Variants in ANXA8 observed in about 807,000 individuals in gnomAD.
ANXA8 encodes VAC-beta.
A neutral mutation model predicts 26.8 loss-of-function variants in ANXA8; 9 were observed. That is an observed-to-expected ratio of 0.34 (90% CI 0.20 to 0.59). The LOEUF (loss-of-function observed/expected upper bound fraction) is 0.59, where lower values mean the gene tolerates loss of function less well. ANXA8 is among the 20% of genes least tolerant of loss of function. The probability of loss-of-function intolerance (pLI) is 0.84; values close to 1 mark genes in which losing one functional copy is unlikely to be tolerated. For synonymous variants in ANXA8, 39 were observed against 94.8 expected (o/e 0.41, Z 3.42); for missense variants, 83 against 238.5 (o/e 0.35, Z 4.29).
At chr10:47,610,438 T>A in the ANXA8 span, among the ~76,000 whole-genome samples, 1 of 137,064 alleles carries the variant, frequency 7.3e-6, no homozygotes, top group East Asian at 2.0e-4. Flanking sequence ...TTTTTATTTA[T>A]GTATATTATA....
the ANXA8 span, among the ~76,000 whole-genome samples, chr10:47,656,501 G>A: frequency 6.9e-6 from 1 of 144,062 alleles, no homozygotes; most frequent in Non-Finnish European, 1.5e-5. Context: ...CAGTTTTCTC[G>A]AGGGATATTC....
At chr10:47,488,767 G>A (rs1435982030), upstream of ANXA8, among the ~76,000 whole-genome samples, 13 of 108,004 alleles carry the variant, frequency 1.2e-4, 1 homozygote, top group East Asian at 6.4e-4. Flanking sequence ...TCACACTGTC[G>A]CCCAGGCTGG....
At chr10:47,476,621 G>A (rs1157454752) in intron 4 of ANXA8, among the ~76,000 whole-genome samples, 4 of 59,114 alleles carry the variant, frequency 6.8e-5, no homozygotes, top group Non-Finnish European at 1.2e-4. Context: ...CCTCCCCTGC[G>A]CCAAAGATAG....
chr10:47,959,764 T>C, the ANXA8 span, among the ~76,000 whole-genome samples: 1 of 150,048 alleles, frequency 6.7e-6, no homozygotes, highest in Non-Finnish European at 1.5e-5. Context: ...AGGTGGGGTC[T>C]CTGTCCCATC....
At chr10:47,946,570 CG>C in the ANXA8 span, among the ~76,000 whole-genome samples, 1 of 150,366 alleles carries the variant, frequency 6.7e-6, no homozygotes, top group African/African-American at 2.4e-5. Flanking sequence ...GGAGAAGCCA[CG>C]TTTTGTTAGG....
At chr10:47,571,184 G>A in the ANXA8 span, among the ~76,000 whole-genome samples, 33 of 135,256 alleles carry the variant, frequency 2.4e-4, 1 homozygote, top group Non-Finnish European at 4.9e-4. Flanking sequence ...CATATTTATC[G>A]CCCATATCTG....
At chr10:47,929,928 C>A in the ANXA8 span, among the ~76,000 whole-genome samples, 1 of 152,128 alleles carries the variant, frequency 6.6e-6, no homozygotes, top group Non-Finnish European at 1.5e-5. Flanking sequence ...CTTTGTTCAA[C>A]CCTCCAGTGG....
At chr10:47,483,099 G>T (rs1289990096) in intron 1 of ANXA8, among the ~76,000 whole-genome samples, 147 of 139,880 alleles carry the variant, frequency 1.1e-3, no homozygotes, top group African/African-American at 3.5e-3. Context: ...TTAGCACAGC[G>T]ATGGCCTCAG....
chr10:47,622,907 A>T, the ANXA8 span, among the ~76,000 whole-genome samples: 1 of 112,774 alleles, frequency 8.9e-6, no homozygotes, highest in African/African-American at 3.4e-5. Context: ...TCCTTTTCTC[A>T]ATTGCCAATT....
chr10:47,535,333 G>A, the ANXA8 span, among the ~76,000 whole-genome samples: 6 of 130,146 alleles, frequency 4.6e-5, 1 homozygote, highest in South Asian at 2.3e-4. Context: ...AATGAATGGC[G>A]GTACCTTAGA....
chr10:47,944,963 G>A, the ANXA8 span, among the ~76,000 whole-genome samples: 1 of 148,554 alleles, frequency 6.7e-6, no homozygotes, highest in South Asian at 2.1e-4. Context: ...TAAACTCTCT[G>A]CACTCTCTCC....
At chr10:47,475,402 A>C in intron 6 of ANXA8, 91 bp downstream of exon 6, 2 of 1,611,672 alleles carry the variant, frequency 1.2e-6, no homozygotes, top group Non-Finnish European at 1.7e-6. Flanking sequence ...CCCTACCCTG[A>C]CTCTTGTGGC....
chr10:47,755,348 C>T, the ANXA8 span, among the ~76,000 whole-genome samples: 3 of 152,156 alleles, frequency 2.0e-5, no homozygotes, highest in African/African-American at 7.2e-5. Flanking sequence ...CTCCGCCTCC[C>T]AGGCTCATGC....
chr10:47,696,718 A>G, the ANXA8 span, among the ~76,000 whole-genome samples: 50 of 118,794 alleles, frequency 4.2e-4, 2 homozygotes, highest in Middle Eastern at 8.8e-3. Flanking sequence ...AGTATTGGGT[A>G]TCATGTTTCG....
chr10:47,525,480 A>G, the ANXA8 span, among the ~76,000 whole-genome samples: 1 of 138,138 alleles, frequency 7.2e-6, no homozygotes, highest in South Asian at 2.3e-4. Flanking sequence ...GCATGAGGAT[A>G]ACTGCCCCTG....
chr10:47,680,575 C>T, the ANXA8 span, among the ~76,000 whole-genome samples: 4 of 151,266 alleles, frequency 2.6e-5, no homozygotes, highest in African/African-American at 7.3e-5. Context: ...GCAGAGGTTG[C>T]AGTGAGCTGA....
At chr10:47,575,198 C>CAAAAAAAAAAAAAAAAAAAAAA in the ANXA8 span, among the ~76,000 whole-genome samples, 1 of 107,290 alleles carries the variant, frequency 9.3e-6, no homozygotes, top group African/African-American at 3.9e-5. Flanking sequence ...GAGTGAAACT[C>CAAAAAAAAAAAAAAAAAAAAAA]AAAAAAAAAA....
At chr10:47,675,874 C>A in the ANXA8 span, among the ~76,000 whole-genome samples, 1 of 151,594 alleles carries the variant, frequency 6.6e-6, no homozygotes, top group Non-Finnish European at 1.5e-5. Context: ...TAACAATATG[C>A]TTGAAAAGAT....
At chr10:47,706,748 C>T in the ANXA8 span, 35 of 1,434,236 alleles carry the variant, frequency 2.4e-5, 1 homozygote, top group African/African-American at 3.0e-4. Flanking sequence ...TCTTCATGCT[C>T]GGTGATGTGA....
Sources: allele counts gnomAD v4.1 joint callset (sites outside exome capture counted in the v4.1 genomes callset), GRCh38; gene constraint gnomAD v4.1.1; transcripts MANE v1.5; gene names NCBI Gene and HGNC (gene_info 2026-07-23, HGNC 2026-07-21).